The following PDE8A variants were observed in gnomAD, a reference collection of about 807,000 sequenced individuals.
The protein encoded by PDE8A is phosphodiesterase 8A, also known as high affinity cAMP-specific and IBMX-insensitive 3',5'-cyclic phosphodiesterase 8A.
In PDE8A, 59 loss-of-function variants were observed where a neutral mutation model predicts 105.0. The ratio of observed to expected loss-of-function variants is 0.56; its 90% CI spans 0.46 to 0.70. The LOEUF (loss-of-function observed/expected upper bound fraction) is 0.70. PDE8A is among the 30% of genes least tolerant of loss of function. The probability of loss-of-function intolerance (pLI) is 0.00; values close to 1 mark genes in which losing one functional copy is unlikely to be tolerated. For synonymous variants in PDE8A, 355 were observed against 371.9 expected (o/e 0.95, Z 0.52); for missense variants, 1,014 against 1,045.9 (o/e 0.97, Z 0.42).
chr15:85,111,980 G>A (rs568376759), intron 12 of PDE8A, among the ~76,000 whole-genome samples: 3 of 151,984 alleles, frequency 2.0e-5, no homozygotes, highest in African/African-American at 7.3e-5. Context: ...ATTGCTTATT[G>A]TATATAGTTA....
At chr15:85,018,931 T>G (rs289414) in intron 1 of PDE8A, among the ~76,000 whole-genome samples, 1 of 151,980 alleles carries the variant, frequency 6.6e-6, no homozygotes, top group East Asian at 1.9e-4. Context: ...ACTCTTTGTA[T>G]AATGAAAATA....
intron 1 of PDE8A, among the ~76,000 whole-genome samples, chr15:85,022,177 T>C (rs13380094): frequency 1.3e-3 from 202 of 152,334 alleles, no homozygotes; most frequent in African/African-American, 4.7e-3. Flanking sequence ...CAGCTTGTTA[T>C]TCAGCCATTT....
At chr15:85,056,097 G>A (rs2081055142) in intron 1 of PDE8A, among the ~76,000 whole-genome samples, 1 of 152,064 alleles carries the variant, frequency 6.6e-6, no homozygotes, top group Non-Finnish European at 1.5e-5. Context: ...TGAAATTCTG[G>A]GTTGAAAATT....
intron 1 of PDE8A, among the ~76,000 whole-genome samples, chr15:85,028,329 C>G (rs544571768): frequency 1.6e-4 from 25 of 152,174 alleles, no homozygotes; most frequent in Non-Finnish European, 2.6e-4. Context: ...ATCCTCCCTC[C>G]TAAGCCTCAC....
intron 1 of PDE8A, among the ~76,000 whole-genome samples, chr15:85,023,810 G>A (rs1252650566): frequency 6.6e-6 from 1 of 152,084 alleles, no homozygotes; most frequent in Non-Finnish European, 1.5e-5. Flanking sequence ...GTGGAGGGGG[G>A]ATGACAGTGT....
intron 1 of PDE8A, among the ~76,000 whole-genome samples, chr15:85,039,229 C>A (rs2080760802): frequency 6.6e-6 from 1 of 151,808 alleles, no homozygotes; most frequent in African/African-American, 2.4e-5. Context: ...AGTTCCAGAC[C>A]AGCCTGAGCA....
chr15:85,116,846 C>G (rs974433189), intron 16 of PDE8A, among the ~76,000 whole-genome samples: 1 of 152,236 alleles, frequency 6.6e-6, no homozygotes, highest in Non-Finnish European at 1.5e-5. Context: ...ATACGTTCTA[C>G]TTCCCTATCT....
intron 1 of PDE8A, among the ~76,000 whole-genome samples, chr15:85,010,887 C>T (rs77302461): frequency 7.2e-5 from 11 of 152,034 alleles, no homozygotes; most frequent in East Asian, 1.9e-4. Flanking sequence ...GTGTTTCCCC[C>T]AGTCGTGTTC....
At chr15:85,031,565 C>T (rs750900661) in intron 1 of PDE8A, among the ~76,000 whole-genome samples, 19 of 152,108 alleles carry the variant, frequency 1.2e-4, no homozygotes, top group Non-Finnish European at 1.9e-4. Context: ...TTATAGCACA[C>T]GCAGCAATAC....
chr15:85,075,816 A>G (rs757330914), intron 3 of PDE8A, 46 bp from the exon 4 acceptor site: 2 of 1,085,732 alleles, frequency 1.8e-6, no homozygotes, highest in East Asian at 5.1e-5. Context: ...TTTGGTTTTT[A>G]AGGATTATTT....
intron 1 of PDE8A, among the ~76,000 whole-genome samples, chr15:85,057,351 G>GT (rs1370670088): frequency 6.6e-6 from 1 of 152,190 alleles, no homozygotes; most frequent in African/African-American, 2.4e-5. Context: ...AGACAGGGAC[G>GT]TTTAAGTCTG....
At chr15:85,045,488 C>T (rs2080873055) in intron 1 of PDE8A, among the ~76,000 whole-genome samples, 1 of 152,208 alleles carries the variant, frequency 6.6e-6, no homozygotes, top group Non-Finnish European at 1.5e-5. Flanking sequence ...CTCTGAGTGT[C>T]AGCTTCTTCA....
At chr15:85,122,942 A>C in intron 18 of PDE8A, 119 bp from the exon 19 acceptor site, 1 of 991,394 alleles carries the variant, frequency 1.0e-6, no homozygotes, top group Non-Finnish European at 1.5e-6. Context: ...TGTGGCTTTC[A>C]GTGGCATTAG....
intron 20 of PDE8A, among the ~76,000 whole-genome samples, chr15:85,131,084 T>G (rs749229320): frequency 6.6e-6 from 1 of 152,160 alleles, no homozygotes; most frequent in Non-Finnish European, 1.5e-5. Flanking sequence ...TAAAGTTTAT[T>G]TTGTCTTTTA....
At chr15:85,035,411 T>C (rs1490491077) in intron 1 of PDE8A, among the ~76,000 whole-genome samples, 1 of 151,958 alleles carries the variant, frequency 6.6e-6, no homozygotes, top group African/African-American at 2.4e-5. Context: ...GGTTTCAACA[T>C]GTTAGCCAGG....
Position 85,137,797 on chromosome 15 carries a change from C to G in PDE8A, c.2384C>G (p.Ala795Gly). 1 of 1,588,378 alleles carries G rather than the reference C, an allele frequency of 6.3e-7. No individual in the cohort carries two copies. Among genetic ancestry groups the G allele is most frequent in the East Asian group, 2.2e-5 (1 of 44,760 alleles). Residue 795 changes from alanine (A) to glycine (G), a missense_variant and splice_region_variant, in exon 22 of 22, where the codon GCC becomes GGC. Transcript: ENST00000394553. ...FITDMFDAWDAFVDLPDLMQH... is the reference protein window; with the variant it reads ...FITDMFDAWDGFVDLPDLMQH... ...ATCACATTCCTATCTTTCTCTCCAG[C>G]CTTTGTAGACCTGCCTGATTTAATG...
intron 1 of PDE8A, among the ~76,000 whole-genome samples, chr15:85,038,518 T>C (rs1325302096): frequency 1.3e-5 from 2 of 152,182 alleles, no homozygotes; most frequent in East Asian, 3.8e-4. Context: ...AAAAAGCTTC[T>C]GTACTCGGCA....
chr15:85,126,699 A>G (rs1016810507), intron 20 of PDE8A, among the ~76,000 whole-genome samples: 2 of 152,066 alleles, frequency 1.3e-5, no homozygotes, highest in African/African-American at 4.8e-5. Flanking sequence ...AATATTAGGA[A>G]ATATACTGGC....
rs755783055 is a variant in PDE8A, at chr15:84,982,289, C to T, written c.127C>T (p.Pro43Ser). 1.9e-5 allele frequency: 26 copies of T among 1,385,122 alleles called. No individual in the cohort carries two copies. The highest frequency in any genetic ancestry group is 3.0e-5 in the African/African-American group (2 of 65,624). 85.8% of individuals were successfully genotyped at this position (1,385,122 alleles called of 1,614,324 possible). ...GCAGGGCCAGAAGACGGCCGCCTTG[C>T]CCCGGACCCGCGGCGCCGGCCTCTT... Reference protein sequence around the residue: ...LPQGQKTAALPRTRGAGLLES... With the variant: ...LPQGQKTAALSRTRGAGLLES... The change falls in exon 1 of 22, where the codon CCC (proline) becomes TCC (serine). Residue 43 changes from proline to serine, a missense_variant. Physicochemically the swap from Pro to Ser is moderately conservative, Grantham distance 74 (BLOSUM62 -1). Coordinates refer to ENST00000394553, the MANE Select transcript of PDE8A (RefSeq NM_002605.3).
Sources: gnomAD v4.1 joint callset for allele counts (sites outside exome capture counted in the v4.1 genomes callset) on GRCh38, gnomAD v4.1.1 for gene constraint, MANE v1.5 for transcripts, NCBI Gene and HGNC (gene_info 2026-07-23, HGNC 2026-07-21) for gene names.